FRY: variants seen among roughly 807,000 people sequenced by gnomAD.
The protein encoded by FRY is FRY microtubule binding protein.
Under a neutral mutation model 348.4 loss-of-function variants are expected in FRY, and 128 were observed. The observed-to-expected ratio is 0.37, with a 90% CI of 0.32 to 0.43. The LOEUF is 0.43. Among genes scored for constraint, FRY ranks in the 20% least tolerant of loss-of-function variants. The pLI is 1.00. For missense variants in FRY, 2,736 were observed against 3,695.2 expected, an observed-to-expected ratio of 0.74 and a Z score of 6.73; for synonymous variants, 1,370 against 1,374.7, an observed-to-expected ratio of 1.00 and a Z score of 0.08.
intron 17 of FRY, among the ~76,000 whole-genome samples, chr13:32,162,324 C>T (rs1250053203): frequency 6.6e-6 from 1 of 152,168 alleles, no homozygotes; most frequent in East Asian, 1.9e-4. Flanking sequence ...TACTCACATC[C>T]TCTCACCTTC....
At chr13:32,290,673 G>C (rs139150295) in intron 59 of FRY, among the ~76,000 whole-genome samples, 1 of 152,128 alleles carries the variant, frequency 6.6e-6, no homozygotes, top group Non-Finnish European at 1.5e-5. Context: ...TCTGATGACA[G>C]CTAGAACAGA....
intron 2 of FRY, among the ~76,000 whole-genome samples, chr13:32,081,220 A>C (rs1875469060): frequency 6.6e-6 from 1 of 152,196 alleles, no homozygotes; most frequent in African/African-American, 2.4e-5. Flanking sequence ...GTCATAAGGA[A>C]ATCTTCCTTA....
At chr13:32,166,501 A>G (rs1418779419) in intron 17 of FRY, among the ~76,000 whole-genome samples, 1 of 151,906 alleles carries the variant, frequency 6.6e-6, no homozygotes, top group African/African-American at 2.4e-5. Context: ...CATCTTTCTC[A>G]TTTAACTCCA....
chr13:32,255,471 C>G (rs1286085568), intron 51 of FRY, among the ~76,000 whole-genome samples: 1 of 152,190 alleles, frequency 6.6e-6, no homozygotes, highest in East Asian at 1.9e-4. Flanking sequence ...CCTTCCTGGC[C>G]CACTGATGAC....
chr13:32,032,714 C>T (rs529616873), intron 1 of FRY, among the ~76,000 whole-genome samples: 2 of 152,310 alleles, frequency 1.3e-5, no homozygotes, highest in Admixed American at 1.3e-4. Flanking sequence ...ATTTTCCGAA[C>T]TGTTTAAAAA....
At chr13:32,034,342 G>A (rs204126) in intron 1 of FRY, among the ~76,000 whole-genome samples, 73,842 of 151,888 alleles carry the variant, frequency 0.49, 19,189 homozygotes, top group South Asian at 0.59. Context: ...AGAATTCACA[G>A]GCCAATAAAT....
At chr13:32,047,831 C>T (rs184247941) in intron 1 of FRY, among the ~76,000 whole-genome samples, 3 of 152,320 alleles carry the variant, frequency 2.0e-5, no homozygotes, top group Admixed American at 6.5e-5. Flanking sequence ...CTTCGGCCTC[C>T]GAAAGTACTG....
intron 1 of FRY, among the ~76,000 whole-genome samples, chr13:32,052,454 A>G (rs1440213973): frequency 2.0e-5 from 3 of 152,226 alleles, no homozygotes; most frequent in African/African-American, 7.2e-5. Flanking sequence ...ATGTAATTCT[A>G]AGTTTTGTAA....
chr13:32,290,012 T>G (rs1889257480), intron 59 of FRY, among the ~76,000 whole-genome samples: 10 of 152,190 alleles, frequency 6.6e-5, no homozygotes, highest in Admixed American at 6.5e-4. Flanking sequence ...CCTAGGTGCC[T>G]TGCTTGCATC....
At chr13:32,032,006 T>C in intron 1 of FRY, 141 bp downstream of exon 1, 1 of 618,604 alleles carries the variant, frequency 1.6e-6, no homozygotes, top group South Asian at 2.0e-5. Context: ...TTTCTCTTTC[T>C]TTCTTTCTTT....
chr13:32,117,230 A>G, intron 3 of FRY, 104 bp from the exon 4 acceptor site: 1 of 1,028,082 alleles, frequency 9.7e-7, no homozygotes, highest in Non-Finnish European at 1.5e-6. Context: ...GATACGGAAG[A>G]AAATATTTTA....
At chr13:32,153,483 G>A (rs189744545) in intron 14 of FRY, among the ~76,000 whole-genome samples, 35 of 152,282 alleles carry the variant, frequency 2.3e-4, no homozygotes, top group Non-Finnish European at 4.3e-4. Context: ...ACTTGAAAAG[G>A]TGGAATGTGG....
chr13:32,077,672 A>G (rs1036601709), intron 1 of FRY, among the ~76,000 whole-genome samples: 5 of 152,256 alleles, frequency 3.3e-5, no homozygotes, highest in Non-Finnish European at 5.9e-5. Flanking sequence ...TGAGACAGAA[A>G]GAAGGCAAGA....
At position 32,191,087 on chromosome 13, in the gene FRY, T is replaced by C. The variant is rs548413077; in HGVS notation, c.3592-3056T>C. ...AATGGTTTTTTTCCAATAAGTAATTTGGGGTCAATTGGATAGCCTTACTAA... is the reference window on the plus strand; with the variant it reads ...AATGGTTTTTTTCCAATAAGTAATTCGGGGTCAATTGGATAGCCTTACTAA... On this transcript the variant is annotated intron_variant, in intron 28 of 60. Transcript: ENST00000542859. Among the ~76,000 whole-genome samples, 6 of 152,308 alleles carry C rather than the reference T, an allele frequency of 3.9e-5. No individual in the cohort carries two copies. In the South Asian group the frequency reaches 8.3e-4, roughly 21 times the overall value.
intron 28 of FRY, among the ~76,000 whole-genome samples, chr13:32,193,450 G>C (rs1438657904): frequency 6.6e-6 from 1 of 151,610 alleles, no homozygotes; most frequent in Non-Finnish European, 1.5e-5. Flanking sequence ...CATGCACGGT[G>C]GTAACATCAA....
At position 32,124,740 on chromosome 13, in the gene FRY, T is replaced by C. The variant is rs369395090; in HGVS notation, c.636-55T>C. 5.9e-5 allele frequency: 90 copies of C among 1,530,252 alleles called. No homozygotes were observed. In the African/African-American group the frequency reaches 9.8e-4, roughly 17 times the overall value. The allele number at this position is 1,530,252 out of a possible 1,614,324, so 94.8% of individuals were successfully genotyped here. ...TGGTGTTTAAAACTAAATCAGTGGTTTGCTTTTTTCCGATGACCAGGGATC... is the reference window on the plus strand; with the variant it reads ...TGGTGTTTAAAACTAAATCAGTGGTCTGCTTTTTTCCGATGACCAGGGATC... On this transcript the variant is annotated intron_variant, in intron 6 of 60. Coordinates refer to ENST00000542859, the MANE Select transcript of FRY (RefSeq NM_023037.3).
At chr13:32,256,534 C>CA (rs201796683) in intron 51 of FRY, among the ~76,000 whole-genome samples, 2,294 of 117,080 alleles carry the variant, frequency 0.02, 29 homozygotes, top group Non-Finnish European at 0.026. Flanking sequence ...ACCCTGTGTC[C>CA]AAAAAAAAAA....
chr13:32,113,148 A>T (rs1014125770), intron 3 of FRY, among the ~76,000 whole-genome samples: 1 of 152,226 alleles, frequency 6.6e-6, no homozygotes, highest in Non-Finnish European at 1.5e-5. Context: ...AATAAATTGC[A>T]TTTGAAATTA....
Position 32,267,238 on chromosome 13 carries a change from T to G in FRY, c.8015T>G (p.Phe2672Cys). The change falls in exon 55 of 61, where the codon TTT becomes TGT. Residue 2672 changes from phenylalanine to cysteine, a missense_variant. Phe to Cys is a radical substitution (Grantham distance 205). Coordinates refer to ENST00000542859, the MANE Select transcript of FRY (RefSeq NM_023037.3). The part of the protein sequence containing the change: ...SPFFSAILAA[F>C]QPAACDDAEE... ...TTCTTCTCAGCCATCCTTGCCGCCT[T>G]TCAGCCCGCAGCCTGTGACGATGCC... 1.2e-6 allele frequency: 2 copies of G among 1,614,084 alleles called. No homozygotes were observed. The highest frequency in any genetic ancestry group is 1.7e-6 in the Non-Finnish European group (2 of 1,179,996).
Sources: gnomAD v4.1 joint callset for allele counts (sites outside exome capture counted in the v4.1 genomes callset) on GRCh38, gnomAD v4.1.1 for gene constraint, MANE v1.5 for transcripts, NCBI Gene and HGNC (gene_info 2026-07-23, HGNC 2026-07-21) for gene names.